Variants in CDH8 observed in about 807,000 individuals in gnomAD.
CDH8 encodes cadherin-8.
A neutral mutation model predicts 68.1 loss-of-function variants in CDH8; 17 were observed. That is an observed-to-expected ratio of 0.25 (90% CI 0.17 to 0.37). The LOEUF is 0.37. Among genes scored for constraint, CDH8 ranks in the 10% least tolerant of loss-of-function variants. The pLI is 1.00. For synonymous variants in CDH8, 372 were observed against 365.1 expected (o/e 1.02, Z -0.21); for missense variants, 763 against 999.3 (o/e 0.76, Z 3.19).
rs1174257672 is a variant in CDH8 at position 61,974,432 on chromosome 16, A to G, written c.252+46720T>C. 1.3e-5 allele frequency among the ~76,000 whole-genome samples: 2 copies of G among 152,156 alleles called. 1 individual carries two copies. Among genetic ancestry groups the G allele is most frequent in the Admixed American group, 1.3e-4 (2 of 15,272 alleles). ...AATGCAGGGTGCAGCTGGCTCACATAAATGAGGCACTAATGTAAGCAGGGA... is the reference window on the plus strand; with the variant it reads ...AATGCAGGGTGCAGCTGGCTCACATGAATGAGGCACTAATGTAAGCAGGGA... On this transcript the variant is annotated intron_variant, in intron 2 of 11. Transcript: ENST00000577390.
intron 8 of CDH8, among the ~76,000 whole-genome samples, chr16:61,730,258 C>T (rs547754598): frequency 6.6e-6 from 1 of 151,496 alleles, no homozygotes; most frequent in East Asian, 1.9e-4. Flanking sequence ...TAGGTTTTCT[C>T]ATATGTCATA....
chr16:61,837,147 TCCTC>T lies in CDH8; in HGVS notation c.668-11972_668-11969del, dbSNP rs775030853. ...GAAAATAGAATTTCCCTCCTCCTCC[TCCTC>T]CCCTTATGCCTCTTCTCAGACAATG... On this transcript the variant is annotated intron_variant, in intron 4 of 11. Coordinates refer to ENST00000577390, the MANE Select transcript of CDH8 (RefSeq NM_001796.5). Among the ~76,000 whole-genome samples the T allele has an allele frequency of 1.3e-3, 191 of 152,030 alleles. 2 individuals are homozygous for T. Among genetic ancestry groups the T allele is most frequent in the Non-Finnish European group, 8.7e-4 (59 of 67,974 alleles).
intron 2 of CDH8, among the ~76,000 whole-genome samples, chr16:61,941,420 G>C (rs1964723197): frequency 6.6e-6 from 1 of 152,150 alleles, no homozygotes; most frequent in Non-Finnish European, 1.5e-5. Context: ...TTGATTTGCA[G>C]AATATATCAC....
intron 3 of CDH8, among the ~76,000 whole-genome samples, chr16:61,869,459 A>G (rs1963316692): frequency 6.6e-6 from 1 of 152,162 alleles, no homozygotes; most frequent in African/African-American, 2.4e-5. Flanking sequence ...CCCAACTTCA[A>G]AGGTAGTCTG....
chr16:62,029,486 G>A (rs918030214), intron 1 of CDH8, among the ~76,000 whole-genome samples: 1 of 152,100 alleles, frequency 6.6e-6, no homozygotes, highest in African/African-American at 2.4e-5. Flanking sequence ...CAATGACTTC[G>A]AGTAGTTTTA....
At chr16:61,800,301 C>T (rs182567170) in intron 7 of CDH8, among the ~76,000 whole-genome samples, 23 of 152,334 alleles carry the variant, frequency 1.5e-4, no homozygotes, top group African/African-American at 5.3e-4. Context: ...TCTACCCACA[C>T]GGTCTCACCC....
At position 61,653,321 on chromosome 16, in the gene CDH8, C is replaced by T. The variant is rs2142734236; in HGVS notation, c.*287G>A. The T allele has an allele frequency of 8.3e-7, 1 of 1,207,720 alleles. No individual in the cohort carries two copies. The highest frequency in any genetic ancestry group is 3.7e-5 in the South Asian group (1 of 26,894). 74.8% of individuals were successfully genotyped at this position (1,207,720 alleles called of 1,614,324 possible). ...TTTAAACCATTTATCTAAGGATTAG[C>T]CAGGATCCCAATCTTTGTCTGTGGT... On this transcript the variant is annotated 3_prime_UTR_variant, in exon 12 of 12. Coordinates refer to ENST00000577390, the MANE Select transcript of CDH8 (RefSeq NM_001796.5).
chr16:61,776,984 A>G (rs545215398), intron 8 of CDH8, among the ~76,000 whole-genome samples: 4 of 152,286 alleles, frequency 2.6e-5, no homozygotes, highest in African/African-American at 9.6e-5. Flanking sequence ...AATTTTATAG[A>G]TAGCAAAACT....
chr16:61,655,419 A>G (rs759779542), intron 11 of CDH8, 51 bp downstream of exon 11: 27 of 1,595,666 alleles, frequency 1.7e-5, no homozygotes, highest in Non-Finnish European at 2.2e-5. Context: ...ATTTACAGTC[A>G]TTTATGAATC....
intron 2 of CDH8, among the ~76,000 whole-genome samples, chr16:61,996,993 TTGTGTGTA>T (rs1290435473): frequency 8.6e-5 from 13 of 150,886 alleles, no homozygotes; most frequent in African/African-American, 3.2e-4. Context: ...CCACAGAATA[TTGTGTGTA>T]TGTGTGTGTG....
At chr16:61,756,150 C>T (rs1366957566) in intron 8 of CDH8, among the ~76,000 whole-genome samples, 2 of 152,100 alleles carry the variant, frequency 1.3e-5, no homozygotes, top group African/African-American at 4.8e-5. Context: ...CAAGTTGTTA[C>T]TTCCAGTCTC....
At position 61,653,050 on chromosome 16, in the gene CDH8, A is replaced by G; in HGVS notation, c.*558T>C. ...CAGTCTCTAGTGAGTGGGGCCAACA[A>G]TTATGTACAATGTGTGGTCACCGTA... On this transcript the variant is annotated 3_prime_UTR_variant, in exon 12 of 12. Transcript: ENST00000577390. 1 of 1,380,798 alleles carries G rather than the reference A, an allele frequency of 7.2e-7. No homozygotes were observed. The highest frequency in any genetic ancestry group is 9.4e-7 in the Non-Finnish European group (1 of 1,068,978). 85.5% of individuals were successfully genotyped at this position (1,380,798 alleles called of 1,614,324 possible).
intron 10 of CDH8, among the ~76,000 whole-genome samples, chr16:61,688,155 C>T (rs530346542): frequency 9.9e-4 from 150 of 152,116 alleles, no homozygotes; most frequent in Non-Finnish European, 1.1e-3. Context: ...GAAACCCACA[C>T]GTTTGTGTTC....
chr16:61,884,374 AT>A (rs60987099), intron 3 of CDH8, among the ~76,000 whole-genome samples: 2,811 of 140,416 alleles, frequency 0.02, 46 homozygotes, highest in African/African-American at 0.041. Context: ...CTTTCTTATG[AT>A]TTTTTTTTTT....
At chr16:61,705,151 A>G (rs1268566740) in intron 10 of CDH8, among the ~76,000 whole-genome samples, 2 of 152,218 alleles carry the variant, frequency 1.3e-5, no homozygotes, top group Non-Finnish European at 2.9e-5. Context: ...GCATCAGCAC[A>G]TTGATTTTGG....
At chr16:61,758,299 G>C (rs562078898) in intron 8 of CDH8, among the ~76,000 whole-genome samples, 1 of 152,214 alleles carries the variant, frequency 6.6e-6, no homozygotes, top group African/African-American at 2.4e-5. Flanking sequence ...TCAAGGAAGA[G>C]GCAGAATATT....
At chr16:61,787,244 GA>G (rs1176181748) in intron 8 of CDH8, among the ~76,000 whole-genome samples, 2 of 148,448 alleles carry the variant, frequency 1.3e-5, no homozygotes, top group Admixed American at 6.7e-5. Flanking sequence ...AAATTTACAA[GA>G]AAAAAACAAA....
intron 3 of CDH8, among the ~76,000 whole-genome samples, chr16:61,872,604 G>A (rs1239973783): frequency 1.3e-5 from 2 of 152,118 alleles, no homozygotes; most frequent in Non-Finnish European, 2.9e-5. Context: ...CATTGTGAAT[G>A]CTTCTCATAA....
chr16:61,663,681 A>C (rs1313554113), intron 10 of CDH8, among the ~76,000 whole-genome samples: 1 of 151,962 alleles, frequency 6.6e-6, no homozygotes, highest in Non-Finnish European at 1.5e-5. Flanking sequence ...AATATTTTTA[A>C]AAGTTAGAAA....
Sources: allele counts gnomAD v4.1 joint callset (sites outside exome capture counted in the v4.1 genomes callset), GRCh38; gene constraint gnomAD v4.1.1; transcripts MANE v1.5; gene names NCBI Gene and HGNC (gene_info 2026-07-23, HGNC 2026-07-21).